The following FRMPD4 variants were observed in gnomAD, a reference collection of about 807,000 sequenced individuals.
FRMPD4 encodes the protein FERM and PDZ domain containing 4.
Under a neutral mutation model 94.1 loss-of-function variants are expected in FRMPD4, and 22 were observed. That is an observed-to-expected ratio of 0.23 (90% CI 0.17 to 0.33). FRMPD4 has a LOEUF of 0.33. Among genes scored for constraint, FRMPD4 ranks in the 10% least tolerant of loss-of-function variants. FRMPD4 has a pLI of 1.00. For missense variants in FRMPD4, 1,111 were observed against 1,339.9 expected, an observed-to-expected ratio of 0.83 and a Z score of 2.67; for synonymous variants, 631 against 548.6, an observed-to-expected ratio of 1.15 and a Z score of -2.10.
intron 3 of FRMPD4, among the ~76,000 whole-genome samples, chrX:11,887,572 G>A (rs1473969572): frequency 6.3e-5 from 7 of 111,942 alleles, no homozygotes; most frequent in African/African-American, 2.0e-4. Flanking sequence ...TAATAAATTT[G>A]CCTTTCTTTA....
chrX:12,060,720 A>G (rs2054880873), intron 3 of FRMPD4, among the ~76,000 whole-genome samples: 3 of 111,145 alleles, frequency 2.7e-5, no homozygotes, highest in Admixed American at 9.6e-5. Context: ...CCGTTCATCT[A>G]ACATCTCTTT....
intron 3 of FRMPD4, among the ~76,000 whole-genome samples, chrX:11,892,902 C>A (rs1021348239): frequency 1.8e-5 from 2 of 112,080 alleles, no homozygotes; most frequent in Non-Finnish European, 3.8e-5. Flanking sequence ...TCTCGATATA[C>A]GTATACCCGG....
intron 1 of FRMPD4, among the ~76,000 whole-genome samples, chrX:11,848,126 T>C (rs1482546403): frequency 1.8e-5 from 2 of 111,116 alleles, no homozygotes; most frequent in Non-Finnish European, 3.8e-5. Context: ...TTTGGAATAC[T>C]GTACATTTTA....
At chrX:11,962,593 T>A (rs754266332) in intron 3 of FRMPD4, among the ~76,000 whole-genome samples, 258 of 112,278 alleles carry the variant, frequency 2.3e-3, no homozygotes, top group Non-Finnish European at 3.6e-3. Flanking sequence ...AAACTCCTGC[T>A]GCTGCAGTGA....
chrX:12,508,991 CAAAAAAAAAAAAAA>C (rs770698547), intron 2 of FRMPD4, among the ~76,000 whole-genome samples: 1 of 30,538 alleles, frequency 3.3e-5, no homozygotes, highest in East Asian at 1.5e-3. Flanking sequence ...GACTCTGTCT[CAAAAAAAAAAAAAA>C]AAAAAAAAAA....
At chrX:12,234,234 A>G (rs1472847429) in intron 1 of FRMPD4, among the ~76,000 whole-genome samples, 1 of 111,341 alleles carries the variant, frequency 9.0e-6, no homozygotes, top group East Asian at 2.8e-4. Context: ...ATGTTCTTTC[A>G]ATGTTATATT....
intron 3 of FRMPD4, among the ~76,000 whole-genome samples, chrX:11,974,217 G>C (rs1160330310): frequency 1.8e-5 from 2 of 110,865 alleles, no homozygotes; most frequent in Non-Finnish European, 3.8e-5. Flanking sequence ...GAGGTGTTTG[G>C]GTCATGGGAG....
chrX:12,557,158 A>G (rs924176071), intron 2 of FRMPD4, among the ~76,000 whole-genome samples: 3 of 111,830 alleles, frequency 2.7e-5, no homozygotes, highest in Non-Finnish European at 5.6e-5. Context: ...TGATTACCCC[A>G]ACCCTCCAAT....
chrX:12,649,548 A>G (rs1189519722), intron 4 of FRMPD4, among the ~76,000 whole-genome samples: 3 of 111,567 alleles, frequency 2.7e-5, no homozygotes, highest in Non-Finnish European at 5.6e-5. Context: ...CTAGGAGTGG[A>G]TAAATCTGGT....
intron 4 of FRMPD4, among the ~76,000 whole-genome samples, chrX:12,655,939 T>C: frequency 8.9e-6 from 1 of 112,406 alleles, no homozygotes; most frequent in South Asian, 3.7e-4. Context: ...TGTGGCATGC[T>C]TACACCTTCT....
intron 3 of FRMPD4, among the ~76,000 whole-genome samples, chrX:11,889,507 G>C (rs189800973): frequency 1.8e-5 from 2 of 112,028 alleles, no homozygotes; most frequent in Non-Finnish European, 3.8e-5. Flanking sequence ...CAGTTAATAG[G>C]CATATTTCTT....
intron 1 of FRMPD4, among the ~76,000 whole-genome samples, chrX:12,433,790 C>G (rs1242814571): frequency 9.0e-6 from 1 of 111,602 alleles, no homozygotes; most frequent in African/African-American, 3.3e-5. Context: ...TAAGTGATAT[C>G]AGCCTTAAAT....
chrX:12,058,981 C>G (rs966962425), intron 3 of FRMPD4, among the ~76,000 whole-genome samples: 1 of 100,150 alleles, frequency 1.0e-5, no homozygotes, highest in African/African-American at 3.5e-5. Context: ...AAAGCAGTCT[C>G]TAAACCTATT....
chrX:12,273,456 T>C (rs1016136153), intron 1 of FRMPD4, among the ~76,000 whole-genome samples: 2 of 112,460 alleles, frequency 1.8e-5, no homozygotes, highest in Non-Finnish European at 3.8e-5. Flanking sequence ...TTTGCAAGCA[T>C]AAAAGTTGAC....
intron 3 of FRMPD4, among the ~76,000 whole-genome samples, chrX:12,094,621 G>A (rs1250275130): frequency 8.9e-6 from 1 of 111,972 alleles, no homozygotes; most frequent in African/African-American, 3.2e-5. Context: ...ATGGTTTCTA[G>A]GTCAGACTGC....
chrX:12,649,670 T>C (rs922943463), intron 4 of FRMPD4, among the ~76,000 whole-genome samples: 1 of 112,567 alleles, frequency 8.9e-6, no homozygotes, highest in Admixed American at 9.3e-5. Flanking sequence ...AGTCCTAACA[T>C]ACTCGGAAGA....
chrX:12,279,413 A>C (rs922719228), intron 1 of FRMPD4, among the ~76,000 whole-genome samples: 16 of 112,235 alleles, frequency 1.4e-4, no homozygotes, highest in Middle Eastern at 4.6e-3. Flanking sequence ...TGACCTTGCC[A>C]CTGAACTAGA....
At chrX:11,847,649 A>T (rs1370614160) in intron 1 of FRMPD4, among the ~76,000 whole-genome samples, 45 of 109,833 alleles carry the variant, frequency 4.1e-4, no homozygotes, top group East Asian at 8.6e-4. Flanking sequence ...CCAACAATGA[A>T]AGACTGGATT....
intron 4 of FRMPD4, among the ~76,000 whole-genome samples, chrX:12,661,398 G>A (rs920880493): frequency 2.7e-5 from 3 of 111,805 alleles, no homozygotes; most frequent in African/African-American, 6.5e-5. Flanking sequence ...CTCACTCAAG[G>A]GTGAAAATGG....
Sources: allele counts gnomAD v4.1 joint callset (sites outside exome capture counted in the v4.1 genomes callset), GRCh38; gene constraint gnomAD v4.1.1; transcripts MANE v1.5; gene names NCBI Gene and HGNC (gene_info 2026-07-23, HGNC 2026-07-21).